The following MKRN2OS variants were observed in gnomAD, a reference collection of about 807,000 sequenced individuals.
The protein encoded by MKRN2OS is MKRN2 opposite strand protein.
In MKRN2OS, 17 loss-of-function variants were observed where a neutral mutation model predicts 18.2. That is an observed-to-expected ratio of 0.93 (90% CI 0.64 to 1.40). The LOEUF is 1.40. MKRN2OS is among the 40% of genes most tolerant of loss of function. MKRN2OS has a pLI of 0.00. For synonymous variants in MKRN2OS, 121 were observed against 108.5 expected, an observed-to-expected ratio of 1.12 and a Z score of -0.72; for missense variants, 337 against 283.0, an observed-to-expected ratio of 1.19 and a Z score of -1.37.
At chr3:12,557,026 G>GCGGCGTGCGC (rs546641157) in intron 1 of MKRN2OS, 37,789 of 1,043,524 alleles carry the variant, frequency 0.036, 1,536 homozygotes, top group Admixed American at 0.045. Context: ...CACCGGAGGG[G>GCGGCGTGCGC]CGGCGTGCGC....
downstream of MKRN2OS, among the ~76,000 whole-genome samples, chr3:12,551,663 T>A (rs1462768479): frequency 6.6e-6 from 1 of 151,784 alleles, no homozygotes; most frequent in Non-Finnish European, 1.5e-5. Flanking sequence ...AGGCCAGGCA[T>A]AGTGGGTCAC....
At chr3:12,557,937 A>G (rs1021895764) in intron 1 of MKRN2OS, among the ~76,000 whole-genome samples, 12 of 152,228 alleles carry the variant, frequency 7.9e-5, no homozygotes, top group Non-Finnish European at 1.3e-4. Flanking sequence ...CTCCTATGAA[A>G]TAGAATAGTG....
chr3:12,560,878 C>T (rs1257669745), exon 1 of MKRN2OS: 1 of 152,190 alleles, frequency 6.6e-6, no homozygotes, highest in Non-Finnish European at 1.5e-5. Context: ...AAAGGTTGAG[C>T]AGTTGGAAAT....
chr3:12,549,009 A>G (rs1025389269), upstream of MKRN2OS, among the ~76,000 whole-genome samples: 3 of 152,142 alleles, frequency 2.0e-5, no homozygotes, highest in Non-Finnish European at 4.4e-5. Context: ...ATCTTGCCTC[A>G]CTGCAACCTC....
chr3:12,557,006 A>T, intron 1 of MKRN2OS: 1 of 939,102 alleles, frequency 1.1e-6, no homozygotes, highest in Non-Finnish European at 1.4e-6. Flanking sequence ...CCGGCGCTAC[A>T]AAGGTGCCAC....
intron 2 of MKRN2OS, among the ~76,000 whole-genome samples, chr3:12,542,727 A>AC (rs55836088): frequency 0.2 from 30,001 of 147,410 alleles, 5,866 homozygotes; most frequent in African/African-American, 0.52. Flanking sequence ...AAAAAAAAAA[A>AC]AAAAAAACAC....
At chr3:12,557,063 C>G (rs1292537724) in intron 1 of MKRN2OS, 1 of 1,246,866 alleles carries the variant, frequency 8.0e-7, no homozygotes, top group Admixed American at 4.0e-5. Context: ...GACGCGGCTA[C>G]GCGGGATGGG....
chr3:12,552,463 G>T (rs1226184225), downstream of MKRN2OS, among the ~76,000 whole-genome samples: 1 of 147,354 alleles, frequency 6.8e-6, no homozygotes, highest in Admixed American at 6.8e-5. Context: ...CCAGGCTGGA[G>T]TGCAATGGCG....
chr3:12,558,948 T>C (rs990328494), intron 1 of MKRN2OS, among the ~76,000 whole-genome samples: 1 of 152,352 alleles, frequency 6.6e-6, no homozygotes, highest in South Asian at 2.1e-4. Context: ...GCGACTTGCC[T>C]AAGGTCATTT....
At chr3:12,559,606 C>T (rs2454421) in intron 1 of MKRN2OS, among the ~76,000 whole-genome samples, 73,051 of 151,942 alleles carry the variant, frequency 0.48, 18,910 homozygotes, top group African/African-American at 0.67. Flanking sequence ...CTAGGAGTCT[C>T]AAACCTAATG....
chr3:12,560,607 A>G (rs2058029136), intron 1 of MKRN2OS: 2 of 152,188 alleles, frequency 1.3e-5, no homozygotes, highest in Non-Finnish European at 1.5e-5. Flanking sequence ...TGTTTTGCTT[A>G]GCACTGCTGC....
intron 2 of MKRN2OS, among the ~76,000 whole-genome samples, chr3:12,542,953 C>A (rs909568663): frequency 6.6e-6 from 1 of 152,182 alleles, no homozygotes. Flanking sequence ...TGAGGCTCCT[C>A]ACTGAGAAAA....
intron 2 of MKRN2OS, 133 bp from the exon 3 acceptor site, chr3:12,542,155 TTCCA>T: frequency 1.1e-6 from 1 of 898,942 alleles, no homozygotes; most frequent in Non-Finnish European, 1.6e-6. Context: ...TTCTAGAATC[TTCCA>T]TCCACCTAAT....
chr3:12,557,079 C>G lies in MKRN2OS; in HGVS notation n.265-2945G>C. On this transcript the variant is annotated intron_variant and non_coding_transcript_variant, in intron 1 of 1. Transcript: ENST00000447550. ...ACGCGGCTACGCGGGATGGGCCGGG[C>G]CAGGGCCAAGGCCGAGGCGGCAGCG... 7 of 1,396,024 alleles carry G rather than the reference C, an allele frequency of 5.0e-6. No individual in the cohort carries two copies. The South Asian group carries it at 8.1e-5, about 16-fold the overall frequency. The allele number at this position is 1,396,024 out of a possible 1,614,324, so 86.5% of individuals were successfully genotyped here.
chr3:12,541,911 C>T lies in MKRN2OS; in HGVS notation c.380G>A (p.Trp127Ter). The change falls in exon 3 of 4, where the codon TGG becomes TAG. Residue 127 changes from tryptophan (W) to a stop codon, truncating the protein, a stop_gained. Coordinates refer to ENST00000564146, the MANE Select transcript of MKRN2OS (RefSeq NM_001195279.2). LOFTEE classifies it high-confidence loss of function. ...QPNMYGMMEQWDKYLEDFSTS... is the reference protein window; with the variant it reads ...QPNMYGMMEQ ...GGAGAAGTCTTCCAGGTACTTGTCC[C>T]ATTGCTCCATCATTCCATACATGTT... 1 of 1,536,070 alleles carries T rather than the reference C, an allele frequency of 6.5e-7. No individual in the cohort carries two copies. The highest frequency in any genetic ancestry group is 2.0e-5 in the Admixed American group (1 of 50,992).
upstream of MKRN2OS, among the ~76,000 whole-genome samples, chr3:12,546,512 AT>A (rs965618627): frequency 6.6e-6 from 1 of 150,478 alleles, no homozygotes; most frequent in African/African-American, 2.5e-5. Context: ...TTTTAAAATA[AT>A]TTTTTAATTT....
chr3:12,543,415 C>T (rs1267955642), intron 1 of MKRN2OS, among the ~76,000 whole-genome samples, 186 bp from the exon 2 acceptor site: 2 of 151,936 alleles, frequency 1.3e-5, no homozygotes, highest in Admixed American at 1.3e-4. Context: ...GGCAAGACCC[C>T]ATCTCTACTA....
chr3:12,541,225 G>GT (rs1018708012), intron 3 of MKRN2OS, among the ~76,000 whole-genome samples: 5 of 414 alleles, frequency 0.012, no homozygotes, highest in Admixed American at 0.12. Flanking sequence ...TGGTTTTTGT[G>GT]TTTTTTTGTT....
upstream of MKRN2OS, among the ~76,000 whole-genome samples, chr3:12,549,039 A>T (rs1367372843): frequency 6.6e-6 from 1 of 152,090 alleles, no homozygotes; most frequent in Non-Finnish European, 1.5e-5. Context: ...GGTTGAAGCG[A>T]TCCCTTTGCC....
Sources: gnomAD v4.1 joint callset for allele counts (sites outside exome capture counted in the v4.1 genomes callset) on GRCh38, gnomAD v4.1.1 for gene constraint, MANE v1.5 for transcripts, NCBI Gene and HGNC (gene_info 2026-07-23, HGNC 2026-07-21) for gene names.